NBAS: variants seen among roughly 807,000 people sequenced by gnomAD.
NBAS encodes the protein NAG/BC035112 fusion.
In NBAS, 219 loss-of-function variants were observed where a neutral mutation model predicts 302.5. The ratio of observed to expected loss-of-function variants is 0.72; its 90% confidence interval spans 0.65 to 0.81. NBAS has a LOEUF of 0.81. NBAS is among the 30% of genes least tolerant of loss of function. NBAS has a pLI of 0.00. For missense variants in NBAS, 2,932 were observed against 2,841.6 expected, an observed-to-expected ratio of 1.03 and a Z score of -0.72; for synonymous variants, 1,118 against 1,021.6, an observed-to-expected ratio of 1.09 and a Z score of -1.80.
In NBAS at chr2:15,475,692, A is replaced by T. The variant is rs1306271988; in HGVS notation, c.1336T>A (p.Leu446Met). 2.5e-6 allele frequency: 4 copies of T among 1,614,096 alleles called. No individual in the cohort carries two copies. Among genetic ancestry groups the T allele is most frequent in the Non-Finnish European group, 3.4e-6 (4 of 1,179,962 alleles). Residue 446 changes from leucine (L) to methionine (M), a missense_variant, in exon 14 of 52, where the codon TTG becomes ATG. Physicochemically the swap from Leu to Met is conservative, Grantham distance 15. Transcript: ENST00000281513. ...CAAACAGGAAAAAGCCTTACCTCCAAACTTAAAAATCCCCCATCATGGGTA... is the reference window on the plus strand; with the variant it reads ...CAAACAGGAAAAAGCCTTACCTCCATACTTAAAAATCCCCCATCATGGGTA... The part of the protein sequence containing the change: ...TATHDGGFLS[L>M]ECEIKLAPKR...
Position 15,461,302 on chromosome 2 carries a change from A to C in NBAS, c.2238T>G (p.Thr746=), listed in dbSNP as rs1173265593. The stretch of plus-strand genomic sequence containing the variant: ...GAGGAAGCAGGTCGGAACCATGGTA[A>C]GTAAACAGAATTTCCAGGGCTTGTA... ...SNVQALEILF[T]YHGSDLLPHR... The change falls in exon 21 of 52, where the codon ACT becomes ACG. Residue 746 remains threonine, a synonymous_variant. Coordinates refer to ENST00000281513, the MANE Select transcript of NBAS (RefSeq NM_015909.4). 6 of 1,613,162 alleles carry C rather than the reference A, an allele frequency of 3.7e-6. No individual in the cohort carries two copies. Among genetic ancestry groups the C allele is most frequent in the Admixed American group, 1.7e-5 (1 of 60,004 alleles).
intron 10 of NBAS, among the ~76,000 whole-genome samples, chr2:15,504,985 T>C (rs1661772324): frequency 6.6e-6 from 1 of 152,068 alleles, no homozygotes; most frequent in Non-Finnish European, 1.5e-5. Context: ...TTGATACACT[T>C]CTCCAAATAC....
intron 38 of NBAS, among the ~76,000 whole-genome samples, chr2:15,320,499 C>G (rs1315126615): frequency 6.6e-6 from 1 of 152,094 alleles, no homozygotes; most frequent in African/African-American, 2.4e-5. Context: ...TTAGAAAACC[C>G]AATCATCTCA....
intron 36 of NBAS, among the ~76,000 whole-genome samples, chr2:15,328,864 C>T (rs1672195204): frequency 6.6e-6 from 1 of 152,196 alleles, no homozygotes; most frequent in African/African-American, 2.4e-5. Flanking sequence ...GTCTTTCTCT[C>T]CCACTGTGAG....
At chr2:15,523,792 TA>T (rs1662790997) in intron 9 of NBAS, among the ~76,000 whole-genome samples, 1 of 152,136 alleles carries the variant, frequency 6.6e-6, no homozygotes, top group Admixed American at 6.5e-5. Flanking sequence ...TAGACACCTG[TA>T]ATCCCAGCAA....
At chr2:15,499,388 A>T (rs1386380415) in intron 11 of NBAS, among the ~76,000 whole-genome samples, 2 of 152,252 alleles carry the variant, frequency 1.3e-5, no homozygotes, top group East Asian at 1.9e-4. Context: ...GACTGAATAA[A>T]GAAAATGTGT....
intron 31 of NBAS, 143 bp from the exon 32 acceptor site, chr2:15,366,836 C>T (rs1007824238): frequency 1.4e-6 from 1 of 738,036 alleles, no homozygotes; most frequent in South Asian, 1.5e-5. Flanking sequence ...GTAAAAGGCA[C>T]GTTTAACAAA....
chr2:15,273,858 G>A (rs1449478262), intron 44 of NBAS, among the ~76,000 whole-genome samples: 2 of 151,796 alleles, frequency 1.3e-5, no homozygotes, highest in African/African-American at 4.8e-5. Context: ...GGTGGATCAC[G>A]ACGTCAGGAG....
At chr2:15,372,341 T>C (rs1052720179) in intron 31 of NBAS, among the ~76,000 whole-genome samples, 1 of 152,340 alleles carries the variant, frequency 6.6e-6, no homozygotes, top group Admixed American at 6.5e-5. Flanking sequence ...GTTCCTGTTT[T>C]CAATTGGCTC....
At chr2:15,200,751 C>T (rs1025619073) in intron 48 of NBAS, among the ~76,000 whole-genome samples, 1 of 152,166 alleles carries the variant, frequency 6.6e-6, no homozygotes, top group Non-Finnish European at 1.5e-5. Flanking sequence ...CATATAGCTG[C>T]AGCCTTCTTA....
At chr2:15,311,839 G>C (rs906808401) in intron 38 of NBAS, among the ~76,000 whole-genome samples, 1 of 152,020 alleles carries the variant, frequency 6.6e-6, no homozygotes, top group Non-Finnish European at 1.5e-5. Flanking sequence ...AATCATCTCG[G>C]TGTTAGAAAA....
chr2:15,320,625 T>G (rs537747916), intron 38 of NBAS, among the ~76,000 whole-genome samples: 9 of 152,132 alleles, frequency 5.9e-5, no homozygotes, highest in Admixed American at 3.3e-4. Context: ...GAGAGCCAAA[T>G]CATGAATGAA....
At chr2:14,894,132 A>G in the NBAS span, among the ~76,000 whole-genome samples, 2 of 152,174 alleles carry the variant, frequency 1.3e-5, no homozygotes, top group Admixed American at 6.5e-5. Context: ...TGTTACCTTT[A>G]GACTTACAGA....
At chr2:15,402,849 T>C (rs1676219161) in intron 25 of NBAS, among the ~76,000 whole-genome samples, 1 of 152,106 alleles carries the variant, frequency 6.6e-6, no homozygotes, top group Non-Finnish European at 1.5e-5. Flanking sequence ...CTACTTAGGG[T>C]GACTTTCTGT....
At chr2:15,078,791 AGAT>A in the NBAS span, among the ~76,000 whole-genome samples, 2 of 152,250 alleles carry the variant, frequency 1.3e-5, no homozygotes, top group Non-Finnish European at 2.9e-5. Context: ...TCCATAACAC[AGAT>A]GACGACTTTT....
chr2:15,131,531 T>C, the NBAS span, among the ~76,000 whole-genome samples: 2 of 152,242 alleles, frequency 1.3e-5, no homozygotes, highest in African/African-American at 4.8e-5. Context: ...TGAATGTTTT[T>C]AGAAAATCAC....
chr2:14,913,634 T>C, the NBAS span, among the ~76,000 whole-genome samples: 1 of 152,132 alleles, frequency 6.6e-6, no homozygotes, highest in Non-Finnish European at 1.5e-5. Context: ...TGTTTAGATT[T>C]GTGTTTTGGA....
chr2:15,046,626 T>G, the NBAS span, among the ~76,000 whole-genome samples: 1 of 152,348 alleles, frequency 6.6e-6, no homozygotes, highest in East Asian at 1.9e-4. Flanking sequence ...TTTTTGCCAC[T>G]TTAATACTAA....
At chr2:15,489,413 T>C (rs1302568169) in intron 11 of NBAS, among the ~76,000 whole-genome samples, 2 of 152,122 alleles carry the variant, frequency 1.3e-5, no homozygotes, top group Admixed American at 6.5e-5. Flanking sequence ...AGATTTTATA[T>C]CTACACAGTG....
Sources: allele counts gnomAD v4.1 joint callset (sites outside exome capture counted in the v4.1 genomes callset), GRCh38; gene constraint gnomAD v4.1.1; transcripts MANE v1.5; gene names NCBI Gene and HGNC (gene_info 2026-07-23, HGNC 2026-07-21).